MCM9: variants seen among roughly 807,000 people sequenced by gnomAD.
The protein encoded by MCM9 is minichromosome maintenance 9 homologous recombination repair factor.
A neutral mutation model predicts 72.8 loss-of-function variants in MCM9; 55 were observed. That is an observed-to-expected ratio of 0.76 (90% CI 0.61 to 0.95). MCM9 has a LOEUF of 0.95. Ranked by LOEUF, MCM9 falls within the 40% of genes least tolerant of loss-of-function variation. The pLI, the probability that MCM9 is intolerant of heterozygous loss-of-function variation, is 0.00. For missense variants in MCM9, 1,279 were observed against 1,377.0 expected (o/e 0.93, Z 1.13); for synonymous variants, 480 against 503.4 (o/e 0.95, Z 0.62).
intron 4 of MCM9, among the ~76,000 whole-genome samples, chr6:118,923,025 A>T (rs1375874336): frequency 7.6e-6 from 1 of 132,314 alleles, no homozygotes; most frequent in South Asian, 2.5e-4. Flanking sequence ...GTGAAACTCC[A>T]TCTCAAAAAA....
At chr6:118,855,927 C>CT (rs1776525509) in intron 9 of MCM9, among the ~76,000 whole-genome samples, 1 of 152,184 alleles carries the variant, frequency 6.6e-6, no homozygotes, top group Admixed American at 6.5e-5. Flanking sequence ...ACATTATTTA[C>CT]TATTTAGTAT....
At chr6:118,874,300 G>C (rs572171768) in intron 8 of MCM9, among the ~76,000 whole-genome samples, 1 of 152,088 alleles carries the variant, frequency 6.6e-6, no homozygotes, top group Non-Finnish European at 1.5e-5. Flanking sequence ...TCAGGCCGTT[G>C]ATAAAACGGC....
intron 9 of MCM9, among the ~76,000 whole-genome samples, chr6:118,840,614 T>G (rs890255620): frequency 7.2e-5 from 11 of 152,208 alleles, no homozygotes; most frequent in African/African-American, 2.7e-4. Context: ...TAAAAATTGT[T>G]TAGCATTTTT....
intron 3 of MCM9, among the ~76,000 whole-genome samples, chr6:118,928,381 G>C (rs1015524305): frequency 1.7e-4 from 26 of 151,954 alleles, no homozygotes; most frequent in Admixed American, 1.3e-4. Flanking sequence ...TGTGCACTCC[G>C]GCTTGGGAAA....
intron 9 of MCM9, among the ~76,000 whole-genome samples, chr6:118,834,468 C>A (rs1774810986): frequency 6.6e-6 from 1 of 152,164 alleles, no homozygotes. Flanking sequence ...CTAATTTACA[C>A]ACCCACCAAC....
At chr6:118,862,999 G>C (rs753117688) in intron 8 of MCM9, among the ~76,000 whole-genome samples, 1 of 152,090 alleles carries the variant, frequency 6.6e-6, no homozygotes, top group South Asian at 2.1e-4. Flanking sequence ...AAGTTCTTCA[G>C]AGAAAAGGAA....
intron 13 of MCM9, among the ~76,000 whole-genome samples, chr6:118,821,453 C>T (rs1407130176): frequency 6.6e-6 from 1 of 152,172 alleles, no homozygotes; most frequent in Non-Finnish European, 1.5e-5. Flanking sequence ...TTGGCCCCCA[C>T]TGTCTTCTGG....
At chr6:118,894,256 C>A (rs1480653152) in intron 8 of MCM9, 3 of 1,455,122 alleles carry the variant, frequency 2.1e-6, no homozygotes, top group Admixed American at 2.6e-5. Flanking sequence ...GGAGTGCTCC[C>A]GTGTAAATAA....
intron 8 of MCM9, among the ~76,000 whole-genome samples, chr6:118,880,178 A>G (rs1253167522): frequency 2.6e-5 from 4 of 152,218 alleles, no homozygotes; most frequent in Admixed American, 2.6e-4. Flanking sequence ...AATTAAAAAA[A>G]AAAATACAGG....
At chr6:118,858,757 A>G (rs1776727801) in intron 8 of MCM9, among the ~76,000 whole-genome samples, 1 of 152,180 alleles carries the variant, frequency 6.6e-6, no homozygotes, top group South Asian at 2.1e-4. Flanking sequence ...CTGACAGAGG[A>G]AATCATGACA....
At chr6:118,914,756 C>G (rs1471177750) in intron 6 of MCM9, among the ~76,000 whole-genome samples, 1 of 152,068 alleles carries the variant, frequency 6.6e-6, no homozygotes, top group East Asian at 1.9e-4. Flanking sequence ...TTACATAAGC[C>G]AAAACTTAGA....
chr6:118,821,272 T>A (rs924190703), intron 13 of MCM9, among the ~76,000 whole-genome samples: 1 of 152,224 alleles, frequency 6.6e-6, no homozygotes, highest in African/African-American at 2.4e-5. Context: ...CAGTTTTTCC[T>A]TTCCATATTT....
chr6:118,909,293 C>T (rs1031240077), intron 8 of MCM9: 1 of 152,164 alleles, frequency 6.6e-6, no homozygotes, highest in African/African-American at 2.4e-5. Flanking sequence ...TTATAACAAT[C>T]TATTTGTAGT....
rs1162068625 is a variant in MCM9 at position 118,913,404 on chromosome 6, C to T, written c.921G>A (p.Leu307=). 1.9e-6 allele frequency: 3 copies of T among 1,613,690 alleles called. No homozygotes were observed. The highest frequency in any genetic ancestry group is 3.3e-5 in the Admixed American group (2 of 59,928). ...CAAACACTTGAGGGCACAAGCTAGC[C>T]AATATTACATTCCTTCCTAGGAAAA... The part of the protein sequence containing the change: ...SDPFAGRNVI[L]ASLCPQVFGM... Residue 307 remains leucine (L), a synonymous_variant, in exon 7 of 14, where the codon TTG becomes TTA. Transcript: ENST00000619706.
chr6:118,904,932 G>A (rs766612087), intron 8 of MCM9, among the ~76,000 whole-genome samples: 3 of 152,150 alleles, frequency 2.0e-5, no homozygotes, highest in Non-Finnish European at 2.9e-5. Flanking sequence ...CCACCTCCTC[G>A]GTTCAAGTGA....
intron 8 of MCM9, chr6:118,900,939 T>A: frequency 8.4e-7 from 1 of 1,185,198 alleles, no homozygotes; most frequent in Admixed American, 1.7e-5. Context: ...GACTATATTA[T>A]CTATTATCTT....
At chr6:118,915,384 C>T (rs757356493) in intron 6 of MCM9, among the ~76,000 whole-genome samples, 10 of 152,152 alleles carry the variant, frequency 6.6e-5, no homozygotes, top group Non-Finnish European at 1.5e-4. Flanking sequence ...TTAGTAGGCC[C>T]TTAGTAATCT....
intron 13 of MCM9, among the ~76,000 whole-genome samples, chr6:118,823,440 G>A (rs1194749578): frequency 6.6e-6 from 1 of 152,174 alleles, no homozygotes; most frequent in African/African-American, 2.4e-5. Flanking sequence ...CTAACCAGTA[G>A]TCCCAATGCG....
chr6:118,849,462 A>G (rs1398705568), intron 9 of MCM9, among the ~76,000 whole-genome samples: 1 of 151,602 alleles, frequency 6.6e-6, no homozygotes, highest in Non-Finnish European at 1.5e-5. Context: ...TGTATAATAT[A>G]TATACATTAT....
Sources: gnomAD v4.1 joint callset for allele counts (sites outside exome capture counted in the v4.1 genomes callset) on GRCh38, gnomAD v4.1.1 for gene constraint, MANE v1.5 for transcripts, NCBI Gene and HGNC (gene_info 2026-07-23, HGNC 2026-07-21) for gene names.